Variants in SLC8A1 observed in about 807,000 individuals in gnomAD.
The protein encoded by SLC8A1 is solute carrier family 8 member A1.
SLC8A1 carries 18 observed loss-of-function variants against 68.3 expected under a neutral mutation model. The ratio of observed to expected loss-of-function variants is 0.26; its 90% CI spans 0.18 to 0.39. SLC8A1 has a LOEUF of 0.39. SLC8A1 is among the 10% of genes least tolerant of loss of function. The pLI, the probability that SLC8A1 is intolerant of heterozygous loss-of-function variation, is 1.00. For missense variants in SLC8A1, 985 were observed against 1,156.7 expected, an observed-to-expected ratio of 0.85 and a Z score of 2.15; for synonymous variants, 475 against 415.5, an observed-to-expected ratio of 1.14 and a Z score of -1.74.
At chr2:40,258,540 A>T (rs1283950899) in intron 2 of SLC8A1, among the ~76,000 whole-genome samples, 1 of 52,992 alleles carries the variant, frequency 1.9e-5, no homozygotes, top group Non-Finnish European at 4.2e-5. Flanking sequence ...TCTTGTTGGT[A>T]TAAACTCAGT....
intron 2 of SLC8A1, among the ~76,000 whole-genome samples, chr2:40,241,828 G>T (rs1467175076): frequency 6.6e-6 from 1 of 152,054 alleles, no homozygotes. Flanking sequence ...TTGCCTATTT[G>T]TTCCAATCTA....
intron 2 of SLC8A1, among the ~76,000 whole-genome samples, chr2:40,345,926 A>T (rs970598988): frequency 9.9e-5 from 15 of 151,960 alleles, no homozygotes; most frequent in Non-Finnish European, 2.2e-4. Context: ...ACAGGTTGAC[A>T]GGTGCAGCAA....
At chr2:40,487,413 T>C (rs140657470) in intron 1 of SLC8A1, among the ~76,000 whole-genome samples, 1 of 152,320 alleles carries the variant, frequency 6.6e-6, no homozygotes, top group African/African-American at 2.4e-5. Context: ...TCTCTTGTTC[T>C]CTTTTTTAAA....
chr2:40,449,374 G>A (rs773447842), intron 1 of SLC8A1, among the ~76,000 whole-genome samples: 8 of 152,072 alleles, frequency 5.3e-5, no homozygotes, highest in Non-Finnish European at 8.8e-5. Context: ...TGTTTATTTT[G>A]CAAGTAAATA....
At chr2:40,240,281 G>T (rs903210112) in intron 2 of SLC8A1, among the ~76,000 whole-genome samples, 2 of 152,178 alleles carry the variant, frequency 1.3e-5, no homozygotes, top group Non-Finnish European at 2.9e-5. Flanking sequence ...AGTCTCCGAC[G>T]GAGCGGAGGA....
intron 1 of SLC8A1, among the ~76,000 whole-genome samples, chr2:40,495,079 A>G (rs751315635): frequency 2.6e-5 from 4 of 152,016 alleles, no homozygotes; most frequent in Non-Finnish European, 5.9e-5. Flanking sequence ...GGGTTTGTCA[A>G]CTTTGTAGTC....
At chr2:40,251,237 A>C (rs1035122215) in intron 2 of SLC8A1, 1 of 152,190 alleles carries the variant, frequency 6.6e-6, no homozygotes, top group African/African-American at 2.4e-5. Context: ...CAAAGGGAAA[A>C]ACCAAACCTG....
intron 2 of SLC8A1, among the ~76,000 whole-genome samples, chr2:40,286,142 C>CAATGAATAT (rs1460322552): frequency 6.6e-6 from 1 of 152,110 alleles, no homozygotes; most frequent in East Asian, 1.9e-4. Flanking sequence ...TCTGTCCAGT[C>CAATGAATAT]AATGAATATA....
chr2:40,440,840 C>T (rs1034417881), intron 1 of SLC8A1, among the ~76,000 whole-genome samples: 1 of 152,156 alleles, frequency 6.6e-6, no homozygotes, highest in African/African-American at 2.4e-5. Flanking sequence ...TGGGCAAAAG[C>T]TGGAAGCATT....
At chr2:40,247,586 G>A (rs1381238994) in intron 2 of SLC8A1, among the ~76,000 whole-genome samples, 1 of 152,126 alleles carries the variant, frequency 6.6e-6, no homozygotes, top group African/African-American at 2.4e-5. Context: ...TAAGTCACGT[G>A]TCACATTAGC....
intron 2 of SLC8A1, among the ~76,000 whole-genome samples, chr2:40,325,676 G>C (rs2075736018): frequency 6.8e-6 from 1 of 147,484 alleles, no homozygotes; most frequent in Non-Finnish European, 1.5e-5. Context: ...GCGCACGCCT[G>C]TAATCTCAGC....
chr2:40,240,745 G>A (rs1044533810), intron 2 of SLC8A1, among the ~76,000 whole-genome samples: 2 of 152,302 alleles, frequency 1.3e-5, no homozygotes, highest in East Asian at 1.9e-4. Context: ...GGGCATGGCA[G>A]CTCCTGCCTG....
At position 40,188,895 on chromosome 2, in the gene SLC8A1, A is replaced by C. The variant is rs75140714; in HGVS notation, c.1809-11040T>G. On this transcript the variant is annotated intron_variant, in intron 2 of 7. Coordinates refer to ENST00000406785, the Ensembl canonical transcript of SLC8A1. ...AAGATGGATGCCAGATATTTTCTTG[A>C]ACATGGCTAAAAGAAACCAATAATT... 7.3e-3 allele frequency among the ~76,000 whole-genome samples: 1,111 copies of C among 152,334 alleles called. 91 individuals carry two copies. In the East Asian group the frequency reaches 0.19, roughly 25 times the overall value.
At chr2:40,132,442 T>C (rs540909853) in intron 7 of SLC8A1, among the ~76,000 whole-genome samples, 2 of 152,118 alleles carry the variant, frequency 1.3e-5, no homozygotes, top group Admixed American at 1.3e-4. Flanking sequence ...CCTATACAGC[T>C]CCAGGAGGGT....
intron 2 of SLC8A1, among the ~76,000 whole-genome samples, chr2:40,297,926 C>G (rs1159804687): frequency 6.6e-6 from 1 of 152,144 alleles, no homozygotes; most frequent in African/African-American, 2.4e-5. Flanking sequence ...GTCGCCCAGG[C>G]TGGAGTGCAG....
At chr2:40,252,460 G>A (rs1304994381) in intron 2 of SLC8A1, among the ~76,000 whole-genome samples, 1 of 152,128 alleles carries the variant, frequency 6.6e-6, no homozygotes, top group African/African-American at 2.4e-5. Context: ...AGCCTCCCAA[G>A]TAACTGGGAT....
intron 1 of SLC8A1, among the ~76,000 whole-genome samples, chr2:40,457,304 C>A (rs1221387821): frequency 1.3e-5 from 2 of 152,176 alleles, no homozygotes; most frequent in South Asian, 2.1e-4. Flanking sequence ...TTGTTCCCTA[C>A]AATCCAGTTC....
At chr2:40,468,452 G>T (rs35963461) in intron 1 of SLC8A1, among the ~76,000 whole-genome samples, 15,926 of 151,578 alleles carry the variant, frequency 0.11, 1,407 homozygotes, top group East Asian at 0.34. Context: ...TTCTTAGCAC[G>T]GCTCATTAAG....
intron 1 of SLC8A1, among the ~76,000 whole-genome samples, chr2:40,490,271 T>C (rs1238110694): frequency 2.0e-5 from 3 of 152,172 alleles, no homozygotes; most frequent in Non-Finnish European, 4.4e-5. Context: ...ATAAGTTTCT[T>C]GTTACTGTTT....
Sources: gnomAD v4.1 joint callset for allele counts (sites outside exome capture counted in the v4.1 genomes callset) on GRCh38, gnomAD v4.1.1 for gene constraint, MANE v1.5 for transcripts, NCBI Gene and HGNC (gene_info 2026-07-23, HGNC 2026-07-21) for gene names.